DCTN5: variants seen among roughly 807,000 people sequenced by gnomAD.
DCTN5 encodes the protein dynactin subunit 5.
Under a neutral mutation model 23.5 loss-of-function variants are expected in DCTN5, and 14 were observed. The ratio of observed to expected loss-of-function variants is 0.60; its 90% CI spans 0.39 to 0.93. The LOEUF (loss-of-function observed/expected upper bound fraction) is 0.93, where lower values mean the gene tolerates loss of function less well. DCTN5 is among the 40% of genes least tolerant of loss of function. DCTN5 has a pLI of 0.00. For missense variants in DCTN5, 156 were observed against 225.9 expected, an observed-to-expected ratio of 0.69 and a Z score of 1.98; for synonymous variants, 67 against 79.6, an observed-to-expected ratio of 0.84 and a Z score of 0.84.
chr16:23,659,364 CT>C (rs1226227210), intron 3 of DCTN5, among the ~76,000 whole-genome samples: 1 of 152,210 alleles, frequency 6.6e-6, no homozygotes, highest in Non-Finnish European at 1.5e-5. Flanking sequence ...CTCTTTGCCT[CT>C]TTGCTTCTCT....
chr16:23,671,389 TTAAAA>T lies in DCTN5; in HGVS notation c.*4252_*4256del, dbSNP rs1301229296. On this transcript the variant is annotated 3_prime_UTR_variant, in exon 6 of 6. Transcript: ENST00000300087. ...TAGCATTCTTACATATTTTTAAAAT[TTAAAA>T]TAAAATTTAAAACATCTTGCCCTTT... is the stretch of plus-strand genomic sequence containing the variant. 1 of 152,176 alleles carries T rather than the reference TTAAAA, an allele frequency of 6.6e-6. No homozygotes were observed. The highest frequency in any genetic ancestry group is 2.4e-5 in the African/African-American group (1 of 41,424). 9.4% of individuals were successfully genotyped at this position (152,176 alleles called of 1,614,324 possible).
chr16:23,647,399 T>A (rs1051930427), intron 2 of DCTN5, among the ~76,000 whole-genome samples: 3 of 151,964 alleles, frequency 2.0e-5, no homozygotes, highest in Non-Finnish European at 4.4e-5. Context: ...TGTGAACCAC[T>A]GTGCTCGGCC....
At chr16:23,648,709 A>T (rs1967530814) in intron 2 of DCTN5, among the ~76,000 whole-genome samples, 1 of 152,152 alleles carries the variant, frequency 6.6e-6, no homozygotes, top group Middle Eastern at 3.4e-3. Context: ...GTACTAGTTT[A>T]CATCCCACCA....
Position 23,673,911 on chromosome 16 carries a change from G to T in DCTN5, c.*6767G>T, listed in dbSNP as rs7190765. 0.063 allele frequency: 9,650 copies of T among 152,242 alleles called. 634 individuals carry two copies. Among genetic ancestry groups the T allele is most frequent in the African/African-American group, 0.16 (6,712 of 41,488 alleles). 9.4% of individuals were successfully genotyped at this position (152,242 alleles called of 1,614,324 possible). ...TCAAAATCAAATGTCTCCCCTTAGAGGCTGATGATTGTCTAGTCTAATATG... is the reference window on the plus strand; with the variant it reads ...TCAAAATCAAATGTCTCCCCTTAGATGCTGATGATTGTCTAGTCTAATATG... On this transcript the variant is annotated 3_prime_UTR_variant, in exon 6 of 6. Transcript: ENST00000300087.
intron 3 of DCTN5, 81 bp from the exon 4 acceptor site, chr16:23,661,089 T>G: frequency 1.1e-6 from 1 of 882,152 alleles, no homozygotes; most frequent in Non-Finnish European, 1.8e-6. Flanking sequence ...AAAGTTCAAA[T>G]TATGATCTGT....
chr16:23,661,717 TATAA>T (rs370377120), intron 4 of DCTN5, among the ~76,000 whole-genome samples: 4,388 of 148,512 alleles, frequency 0.03, 85 homozygotes, highest in Middle Eastern at 0.086. Flanking sequence ...GACACTGTCT[TATAA>T]ATAAATAAAT....
Position 23,674,475 on chromosome 16 carries a change from G to T in DCTN5, c.*7331G>T, listed in dbSNP as rs1487144592. 3 of 152,202 alleles carry T rather than the reference G, an allele frequency of 2.0e-5. No individual in the cohort carries two copies. Among genetic ancestry groups the T allele is most frequent in the East Asian group, 1.9e-4 (1 of 5,188 alleles). The allele number at this position is 152,202 out of a possible 1,614,324, so 9.4% of individuals were successfully genotyped here. A position where few individuals can be genotyped will look rare whatever the true frequency, so the allele number is the denominator to read the frequency against. On this transcript the variant is annotated 3_prime_UTR_variant, in exon 6 of 6. Transcript: ENST00000300087. ...AGACCAGACTCAAACCTTCTCTGGG[G>T]CTTCTCTCACTGCTGTTGACTTGTT...
intron 2 of DCTN5, among the ~76,000 whole-genome samples, chr16:23,645,734 T>C (rs185224256): frequency 1.4e-4 from 21 of 152,326 alleles, no homozygotes; most frequent in Admixed American, 1.1e-3. Flanking sequence ...CAGAACTTCA[T>C]TCCTTTCCAT....
chr16:23,650,480 A>AT (rs528424379), intron 2 of DCTN5, among the ~76,000 whole-genome samples: 21,263 of 133,836 alleles, frequency 0.16, 1,718 homozygotes, highest in South Asian at 0.19. Flanking sequence ...CACCTGGCTA[A>AT]TTTTTTTTTT....
rs1329313937 is a variant in DCTN5 at position 23,675,332 on chromosome 16, T to C, written c.*8188T>C. On this transcript the variant is annotated 3_prime_UTR_variant, in exon 6 of 6. Transcript: ENST00000300087. ...CCTGGCAACATGGTGAAATCCTGTGTCTACAAAAAATGCAAAAATTAGCTG... is the reference window on the plus strand; with the variant it reads ...CCTGGCAACATGGTGAAATCCTGTGCCTACAAAAAATGCAAAAATTAGCTG... 6.6e-6 allele frequency: 1 copy of C among 152,078 alleles called. No individual in the cohort carries two copies. Among genetic ancestry groups the C allele is most frequent in the Non-Finnish European group, 1.5e-5 (1 of 68,024 alleles). 9.4% of individuals were successfully genotyped at this position (152,078 alleles called of 1,614,324 possible). A position where few individuals can be genotyped will look rare whatever the true frequency, so the allele number is the denominator to read the frequency against.
At chr16:23,661,396 T>C (rs1483422046) in intron 4 of DCTN5, 115 bp downstream of exon 4, 3 of 700,692 alleles carry the variant, frequency 4.3e-6, no homozygotes, top group Non-Finnish European at 7.1e-6. Flanking sequence ...TTTCCAGTCT[T>C]CCCAGAGTTG....
In DCTN5 at chr16:23,675,950, T is replaced by C. The variant is rs937291868; in HGVS notation, c.*8806T>C. ...ACTTTTCAGATGGGACTGGAAACAC[T>C]TGGGCAGGAGTTCCCCTGGTAGGAG... is the stretch of plus-strand genomic sequence containing the variant. On this transcript the variant is annotated 3_prime_UTR_variant, in exon 6 of 6. Transcript: ENST00000300087. 2.0e-5 allele frequency: 3 copies of C among 152,180 alleles called. No individual in the cohort carries two copies. The highest frequency in any genetic ancestry group is 7.2e-5 in the African/African-American group (3 of 41,446). 9.4% of individuals were successfully genotyped at this position (152,180 alleles called of 1,614,324 possible). A position where few individuals can be genotyped will look rare whatever the true frequency, so the allele number is the denominator to read the frequency against.
intron 4 of DCTN5, among the ~76,000 whole-genome samples, chr16:23,661,622 G>A (rs1322993228): frequency 6.6e-6 from 1 of 152,064 alleles, no homozygotes; most frequent in Non-Finnish European, 1.5e-5. Flanking sequence ...GGAGGCTGAG[G>A]CAGGAAAATC....
rs763364723 is a variant in DCTN5, at chr16:23,658,539, G to A, written c.150G>A (p.Gly50=). Residue 50 remains glycine (G), a synonymous_variant, in exon 3 of 6, where the codon GGG becomes GGA. Transcript: ENST00000300087. ...TGATGAATGACTGTATTATCCGAGGGGATCTGGCAAATGTAAGAGTTGGAC... is the reference window on the plus strand; with the variant it reads ...TGATGAATGACTGTATTATCCGAGGAGATCTGGCAAATGTAAGAGTTGGAC... The part of the protein sequence containing the change: ...TIVMNDCIIR[G]DLANVRVGRH... 6 of 1,613,968 alleles carry A rather than the reference G, an allele frequency of 3.7e-6. No individual in the cohort carries two copies. Among genetic ancestry groups the A allele is most frequent in the South Asian group, 1.1e-5 (1 of 91,082 alleles).
At chr16:23,662,323 G>A (rs1012018724) in intron 4 of DCTN5, among the ~76,000 whole-genome samples, 3 of 152,080 alleles carry the variant, frequency 2.0e-5, no homozygotes, top group Non-Finnish European at 4.4e-5. Flanking sequence ...GGGTGCAAGC[G>A]GGCCCCTTGC....
chr16:23,659,716 A>G (rs1435391742), intron 3 of DCTN5, among the ~76,000 whole-genome samples: 2 of 152,226 alleles, frequency 1.3e-5, no homozygotes, highest in African/African-American at 4.8e-5. Context: ...TCCAATAATG[A>G]TGTTGGATTC....
chr16:23,655,660 G>A (rs78969630), intron 2 of DCTN5, among the ~76,000 whole-genome samples: 3 of 151,012 alleles, frequency 2.0e-5, no homozygotes, highest in South Asian at 2.1e-4. Context: ...TCCCCCCACC[G>A]CAGACTCCTG....
chr16:23,676,570 A>C lies in DCTN5; in HGVS notation c.*9426A>C, dbSNP rs1959228388. 1 of 152,100 alleles carries C rather than the reference A, an allele frequency of 6.6e-6. No individual in the cohort carries two copies. The highest frequency in any genetic ancestry group is 2.4e-5 in the African/African-American group (1 of 41,434). 9.4% of individuals were successfully genotyped at this position (152,100 alleles called of 1,614,324 possible). A position where few individuals can be genotyped will look rare whatever the true frequency, so the allele number is the denominator to read the frequency against. On this transcript the variant is annotated 3_prime_UTR_variant, in exon 6 of 6. Transcript: ENST00000300087. ...AGACTCCATCTCAACAACAACAACA[A>C]AAAGGAATTAAGGAGGAAGCCACCT...
intron 4 of DCTN5, 80 bp from the exon 5 acceptor site, chr16:23,665,546 T>G: frequency 7.5e-7 from 1 of 1,325,064 alleles, no homozygotes; most frequent in Non-Finnish European, 1.0e-6. Flanking sequence ...TATTACATGG[T>G]ATCATGAATG....
Sources: gnomAD v4.1 joint callset for allele counts (sites outside exome capture counted in the v4.1 genomes callset) on GRCh38, gnomAD v4.1.1 for gene constraint, MANE v1.5 for transcripts, NCBI Gene and HGNC (gene_info 2026-07-23, HGNC 2026-07-21) for gene names.